The following CXCL13 variants were observed in gnomAD, a reference collection of about 807,000 sequenced individuals.
CXCL13 encodes C-X-C motif chemokine ligand 13, also known as C-X-C motif chemokine 13.
Under a neutral mutation model 12.2 loss-of-function variants are expected in CXCL13, and 7 were observed. The ratio of observed to expected loss-of-function variants is 0.57; its 90% CI spans 0.33 to 1.07. The LOEUF (loss-of-function observed/expected upper bound fraction) is 1.07. Ranked by LOEUF, CXCL13 falls within the 50% of genes least tolerant of loss-of-function variation. The pLI is 0.04. For missense variants in CXCL13, 113 were observed against 127.4 expected, an observed-to-expected ratio of 0.89 and a Z score of 0.55; for synonymous variants, 47 against 42.4, an observed-to-expected ratio of 1.11 and a Z score of -0.42.
chr4:77,550,510 T>A (rs1423693189), intron 1 of CXCL13, among the ~76,000 whole-genome samples: 1 of 152,234 alleles, frequency 6.6e-6, no homozygotes, highest in Admixed American at 6.5e-5. Flanking sequence ...TCCCTTTTTT[T>A]AAACTTACTG....
intron 1 of CXCL13, among the ~76,000 whole-genome samples, chr4:77,570,841 A>G (rs1726056233): frequency 6.6e-6 from 1 of 151,538 alleles, no homozygotes; most frequent in South Asian, 2.1e-4. Flanking sequence ...TGGATCCCCA[A>G]GCAGTGCCAG....
At position 77,572,921 on chromosome 4, in the gene CXCL13, C is replaced by CAT. The variant is rs560672431; in HGVS notation, c.-42-32902_-42-32901dup. 3.4e-3 allele frequency among the ~76,000 whole-genome samples: 516 copies of CAT among 151,156 alleles called. 3 individuals are homozygous for CAT. The highest frequency in any genetic ancestry group is 6.5e-3 in the Admixed American group (100 of 15,274). ...ATGCAGCCATAAAAAAGAATGAGAA[C>CAT]ATGTCCTTTGCAGGAACATGGATGA... On this transcript the variant is annotated intron_variant, in intron 1 of 4. Transcript: ENST00000286758.
chr4:77,514,981 G>A (rs1162764488), intron 1 of CXCL13, among the ~76,000 whole-genome samples: 1 of 152,050 alleles, frequency 6.6e-6, no homozygotes, highest in Non-Finnish European at 1.5e-5. Flanking sequence ...ATTGATTTTT[G>A]TATAAGGTGT....
intron 1 of CXCL13, among the ~76,000 whole-genome samples, chr4:77,557,203 C>T (rs897616750): frequency 2.6e-5 from 4 of 152,108 alleles, no homozygotes; most frequent in African/African-American, 9.7e-5. Context: ...CTTATACTTC[C>T]ATTGTATTAA....
chr4:77,587,015 C>T (rs937702084), intron 1 of CXCL13, among the ~76,000 whole-genome samples: 25 of 152,164 alleles, frequency 1.6e-4, no homozygotes, highest in African/African-American at 5.6e-4. Context: ...TGAAACCACA[C>T]GGTAGCTTGG....
chr4:77,551,557 C>A (rs921776855), intron 1 of CXCL13, among the ~76,000 whole-genome samples: 3 of 150,804 alleles, frequency 2.0e-5, no homozygotes, highest in South Asian at 2.1e-4. Flanking sequence ...TTAGTATTGA[C>A]CTTGGACAGT....
rs559931871 is a variant in CXCL13, at chr4:77,567,661, T to G, written c.-42-38163T>G. Among the ~76,000 whole-genome samples, 7 of 152,308 alleles carry G rather than the reference T, an allele frequency of 4.6e-5. No individual in the cohort carries two copies. In the South Asian group the frequency reaches 1.4e-3, roughly 32 times the overall value. On this transcript the variant is annotated intron_variant, in intron 1 of 4. Transcript: ENST00000286758. The stretch of plus-strand genomic sequence containing the variant: ...ACCAAAACCAAGATGGTGGCAAAAG[T>G]GACCTCTGGTCATCCTCACTGCTTA...
chr4:77,603,158 C>A (rs1429376669), upstream of CXCL13, among the ~76,000 whole-genome samples: 2 of 152,152 alleles, frequency 1.3e-5, no homozygotes, highest in African/African-American at 4.8e-5. Flanking sequence ...GTCAGTATCA[C>A]TCATTTTTTT....
rs780283463 is a variant in CXCL13, at chr4:77,591,550, C to CAAAA, written c.-42-14254_-42-14251dup. Among the ~76,000 whole-genome samples, 174 of 48,576 alleles carry CAAAA rather than the reference C, an allele frequency of 3.6e-3. 4 individuals are homozygous for CAAAA. Among genetic ancestry groups the CAAAA allele is most frequent in the African/African-American group, 0.011 (159 of 14,524 alleles). 31.9% of individuals were successfully genotyped at this position (48,576 alleles called of 152,430 possible). Reference sequence around the variant, plus strand: ...TGGATGACAGAGCAAGACTCCATCTCAAAAAAAAAAAAAAAAAAAAAAAGT... The same window carrying CAAAA: ...TGGATGACAGAGCAAGACTCCATCTCAAAAAAAAAAAAAAAAAAAAAAAAAAAGT... On this transcript the variant is annotated intron_variant, in intron 1 of 4. Transcript: ENST00000286758.
At chr4:77,547,244 G>T (rs928851484) in intron 1 of CXCL13, among the ~76,000 whole-genome samples, 2 of 152,184 alleles carry the variant, frequency 1.3e-5, no homozygotes, top group Non-Finnish European at 2.9e-5. Flanking sequence ...TGTCTGTTAG[G>T]TCTGCTTGGT....
intron 1 of CXCL13, among the ~76,000 whole-genome samples, chr4:77,541,830 G>C (rs893755454): frequency 6.6e-6 from 1 of 151,778 alleles, no homozygotes; most frequent in Admixed American, 6.6e-5. Flanking sequence ...TAATGATATT[G>C]ATTCCAATCA....
chr4:77,596,799 A>G (rs983428678), intron 1 of CXCL13, among the ~76,000 whole-genome samples: 14 of 151,666 alleles, frequency 9.2e-5, no homozygotes, highest in South Asian at 4.2e-4. Flanking sequence ...AAAAAAAAAA[A>G]AAAAGAAAAG....
At chr4:77,514,742 C>G (rs1724372974) in intron 1 of CXCL13, among the ~76,000 whole-genome samples, 1 of 152,048 alleles carries the variant, frequency 6.6e-6, no homozygotes, top group Non-Finnish European at 1.5e-5. Context: ...AAAATTTTCT[C>G]CCATTTTGTG....
At chr4:77,511,919 G>T (rs1020891233) in intron 1 of CXCL13, 4 of 152,166 alleles carry the variant, frequency 2.6e-5, no homozygotes, top group Admixed American at 1.3e-4. Flanking sequence ...ACTAAGGAAT[G>T]TGTATGTTCT....
intron 1 of CXCL13, among the ~76,000 whole-genome samples, chr4:77,591,002 C>A (rs1264308184): frequency 1.3e-5 from 2 of 152,134 alleles, no homozygotes; most frequent in African/African-American, 4.8e-5. Flanking sequence ...GCCTCAGCCT[C>A]CTAAGTAGCT....
intron 1 of CXCL13, among the ~76,000 whole-genome samples, chr4:77,545,358 A>G (rs1163653399): frequency 6.6e-6 from 1 of 152,148 alleles, no homozygotes; most frequent in East Asian, 1.9e-4. Flanking sequence ...TTTTCATGAT[A>G]TTGATTCTTC....
At position 77,535,656 on chromosome 4, in the gene CXCL13, C is replaced by T. The variant is rs184581021; in HGVS notation, c.-43+23868C>T. On this transcript the variant is annotated intron_variant, in intron 1 of 4. Transcript: ENST00000286758. ...CTATTGGAACCCAGCTGCCATGCTA[C>T]GAGGAAGCCCAAACTCACCCAATTT... 1.1e-3 allele frequency among the ~76,000 whole-genome samples: 175 copies of T among 152,244 alleles called. 1 individual carries two copies. Among genetic ancestry groups the T allele is most frequent in the African/African-American group, 3.9e-3 (164 of 41,536 alleles).
chr4:77,517,236 C>A (rs1402738103), intron 1 of CXCL13, among the ~76,000 whole-genome samples: 1 of 151,980 alleles, frequency 6.6e-6, no homozygotes, highest in African/African-American at 2.4e-5. Flanking sequence ...ACTATGTGGT[C>A]AATTTTGGAA....
At chr4:77,607,518 A>G (rs946789661) in intron 1 of CXCL13, among the ~76,000 whole-genome samples, 185 bp from the exon 2 acceptor site, 2 of 152,204 alleles carry the variant, frequency 1.3e-5, no homozygotes, top group Non-Finnish European at 2.9e-5. Context: ...AAGTTTTGGT[A>G]GAAAACATTT....
Sources: gnomAD v4.1 joint callset for allele counts (sites outside exome capture counted in the v4.1 genomes callset) on GRCh38, gnomAD v4.1.1 for gene constraint, MANE v1.5 for transcripts, NCBI Gene and HGNC (gene_info 2026-07-23, HGNC 2026-07-21) for gene names.